SCN11A: variants seen among roughly 807,000 people sequenced by gnomAD.
SCN11A encodes the protein sodium channel protein type 11 subunit alpha.
SCN11A carries 122 observed loss-of-function variants against 162.2 expected under a neutral mutation model. The observed-to-expected ratio is 0.75, with a 90% CI of 0.65 to 0.87. The LOEUF (loss-of-function observed/expected upper bound fraction) is 0.87. SCN11A is among the 40% of genes least tolerant of loss of function. The pLI, the probability that SCN11A is intolerant of heterozygous loss-of-function variation, is 0.00. For synonymous variants in SCN11A, 758 were observed against 751.5 expected, an observed-to-expected ratio of 1.01 and a Z score of -0.14; for missense variants, 2,015 against 2,181.6, an observed-to-expected ratio of 0.92 and a Z score of 1.52.
chr3:38,924,261 A>G (rs2066101001), intron 9 of SCN11A, among the ~76,000 whole-genome samples: 1 of 151,600 alleles, frequency 6.6e-6, no homozygotes. Context: ...CTGGAGTGCA[A>G]TGGCACAATC....
In SCN11A at chr3:38,870,675, T is replaced by C; in HGVS notation, c.3813+16A>G. On this transcript the variant is annotated intron_variant, in intron 26 of 29. Coordinates refer to ENST00000302328, the MANE Select transcript of SCN11A (RefSeq NM_001349253.2). ...TTGACCATAACACTCCAGAACATGG[T>C]AGAACACTGACTCACCTCTGTGGAA... 1.2e-6 allele frequency: 2 copies of C among 1,609,882 alleles called. No individual in the cohort carries two copies. The highest frequency in any genetic ancestry group is 1.7e-6 in the Non-Finnish European group (2 of 1,176,278).
chr3:38,982,606 T>A (rs946115348), intron 2 of SCN11A, among the ~76,000 whole-genome samples: 4 of 152,166 alleles, frequency 2.6e-5, no homozygotes, highest in African/African-American at 7.2e-5. Flanking sequence ...ATAGGTTTCA[T>A]TTACTAAGGG....
intron 2 of SCN11A, among the ~76,000 whole-genome samples, chr3:39,019,863 TA>T (rs1331862581): frequency 6.6e-6 from 1 of 152,240 alleles, no homozygotes; most frequent in Non-Finnish European, 1.5e-5. Context: ...TCTCATCAGA[TA>T]AATTTTTTAA....
intron 5 of SCN11A, among the ~76,000 whole-genome samples, chr3:38,947,900 G>A (rs1382983250): frequency 1.3e-5 from 2 of 152,194 alleles, no homozygotes. Flanking sequence ...TTTGCAAAAA[G>A]TACTACTTGG....
intron 7 of SCN11A, among the ~76,000 whole-genome samples, chr3:38,930,407 G>C (rs922693340): frequency 3.3e-5 from 5 of 152,214 alleles, no homozygotes; most frequent in Non-Finnish European, 7.3e-5. Context: ...AAATATGTGT[G>C]TGTGAATGTA....
Position 39,036,635 on chromosome 3 carries a change from A to C in SCN11A, c.-403-4132T>G, listed in dbSNP as rs180980525. On this transcript the variant is annotated intron_variant, in intron 1 of 29. Coordinates refer to ENST00000302328, the MANE Select transcript of SCN11A (RefSeq NM_001349253.2). ...AAGTGGTTAATAACCAGAATATATA[A>C]GGAACACAAACAACTCTGTAAGAAA... Among the ~76,000 whole-genome samples the C allele has an allele frequency of 5.4e-3, 822 of 151,262 alleles. 7 individuals are homozygous for C. Among genetic ancestry groups the C allele is most frequent in the African/African-American group, 0.016 (634 of 40,638 alleles).
At chr3:38,915,860 A>G (rs932559398) in intron 11 of SCN11A, among the ~76,000 whole-genome samples, 10 of 152,104 alleles carry the variant, frequency 6.6e-5, no homozygotes, top group Non-Finnish European at 4.4e-5. Context: ...TATCTTGGTT[A>G]ATTTTCTGCC....
intron 7 of SCN11A, among the ~76,000 whole-genome samples, chr3:38,938,104 A>C (rs1463406754): frequency 1.3e-5 from 2 of 152,128 alleles, no homozygotes; most frequent in African/African-American, 4.8e-5. Context: ...ATTGGAAATC[A>C]TTATTTTCAG....
chr3:38,924,901 C>T (rs1410359101), intron 9 of SCN11A, among the ~76,000 whole-genome samples: 3 of 152,028 alleles, frequency 2.0e-5, no homozygotes, highest in African/African-American at 7.2e-5. Flanking sequence ...AATCTCTGTG[C>T]TGGCTGTTTC....
intron 11 of SCN11A, among the ~76,000 whole-genome samples, chr3:38,915,270 T>C (rs1187140340): frequency 6.6e-6 from 1 of 152,134 alleles, no homozygotes; most frequent in Non-Finnish European, 1.5e-5. Flanking sequence ...TTAATGGTTA[T>C]TTTTATTTCT....
chr3:39,038,966 A>C (rs893504276), intron 1 of SCN11A, among the ~76,000 whole-genome samples: 1 of 152,170 alleles, frequency 6.6e-6, no homozygotes, highest in Non-Finnish European at 1.5e-5. Context: ...TTCAGCCAAT[A>C]CCTTCATTTC....
intron 15 of SCN11A, among the ~76,000 whole-genome samples, 153 bp from the exon 16 acceptor site, chr3:38,904,256 C>T (rs558824758): frequency 6.6e-6 from 1 of 152,234 alleles, no homozygotes; most frequent in Non-Finnish European, 1.5e-5. Context: ...AAAGGTTTTT[C>T]CACCAATCTT....
chr3:39,026,437 C>T (rs768738906), intron 2 of SCN11A, among the ~76,000 whole-genome samples: 59 of 152,200 alleles, frequency 3.9e-4, no homozygotes, highest in Non-Finnish European at 6.2e-4. Context: ...CTCCCTTTTC[C>T]CATCATGATG....
chr3:38,916,096 T>G (rs1249727639), intron 11 of SCN11A, among the ~76,000 whole-genome samples: 1 of 152,202 alleles, frequency 6.6e-6, no homozygotes, highest in East Asian at 1.9e-4. Flanking sequence ...TGGTTTAAAG[T>G]CTGTTTTGTC....
chr3:39,047,070 T>C (rs867806154), intron 1 of SCN11A, among the ~76,000 whole-genome samples: 409 of 22,762 alleles, frequency 0.018, 3 homozygotes, highest in African/African-American at 0.051. Flanking sequence ...CCCCACCCCC[T>C]TTTTTTTTTT....
rs375202996 is a variant in SCN11A, at chr3:38,897,075, G to A, written c.2173C>T (p.Arg725Cys). ...GGACTCTTTTGGGAATTGAAGCTAC[G>A]GCCAAAAAGCTGCATGCCAACTACT... ...FSVVGMQLFGRSFNSQKSPKL... is the reference protein window; with the variant it reads ...FSVVGMQLFGCSFNSQKSPKL... The change falls in exon 18 of 30, where the codon CGT (arginine) becomes TGT (cysteine). Residue 725 changes from arginine to cysteine, a missense_variant. Coordinates refer to ENST00000302328, the MANE Select transcript of SCN11A (RefSeq NM_001349253.2). 8.1e-6 allele frequency: 13 copies of A among 1,614,050 alleles called. No homozygotes were observed. Among genetic ancestry groups the A allele is most frequent in the East Asian group, 6.7e-5 (3 of 44,860 alleles).
chr3:39,037,503 G>C (rs1213606838), intron 1 of SCN11A, among the ~76,000 whole-genome samples: 1 of 152,142 alleles, frequency 6.6e-6, no homozygotes, highest in African/African-American at 2.4e-5. Flanking sequence ...GTAACGCAAA[G>C]AAATATGAAT....
At chr3:39,029,690 G>A (rs2125610633) in intron 2 of SCN11A, among the ~76,000 whole-genome samples, 1 of 152,360 alleles carries the variant, frequency 6.6e-6, no homozygotes, top group East Asian at 1.9e-4. Context: ...GTTCAGCAAT[G>A]AAGATTTAAT....
At chr3:39,049,314 T>C (rs866669668) in intron 1 of SCN11A, among the ~76,000 whole-genome samples, 5 of 152,252 alleles carry the variant, frequency 3.3e-5, no homozygotes, top group Non-Finnish European at 7.3e-5. Flanking sequence ...CCATGGGCAA[T>C]AGCCCATTGC....
Sources: gnomAD v4.1 joint callset for allele counts (sites outside exome capture counted in the v4.1 genomes callset) on GRCh38, gnomAD v4.1.1 for gene constraint, MANE v1.5 for transcripts, NCBI Gene and HGNC (gene_info 2026-07-23, HGNC 2026-07-21) for gene names.